AGAP1: variants seen among roughly 807,000 people sequenced by gnomAD.
AGAP1 encodes ArfGAP with GTPase domain, ankyrin repeat and PH domain 1.
A neutral mutation model predicts 105.3 loss-of-function variants in AGAP1; 29 were observed. The observed-to-expected ratio is 0.28, with a 90% CI of 0.21 to 0.38. The LOEUF is 0.38. Among genes scored for constraint, AGAP1 ranks in the 10% least tolerant of loss-of-function variants. AGAP1 has a pLI of 1.00. For missense variants in AGAP1, 998 were observed against 1,165.1 expected (o/e 0.86, Z 2.09); for synonymous variants, 509 against 485.9 (o/e 1.05, Z -0.63).
At chr2:235,822,392 G>A (rs1958838833) in intron 9 of AGAP1, among the ~76,000 whole-genome samples, 1 of 152,178 alleles carries the variant, frequency 6.6e-6, no homozygotes, top group South Asian at 2.1e-4. Context: ...GCCCAGGAGC[G>A]AGGAGGAGCT....
At chr2:235,894,636 C>CACACACAT (rs1485490059) in intron 10 of AGAP1, among the ~76,000 whole-genome samples, 14 of 151,428 alleles carry the variant, frequency 9.2e-5, no homozygotes, top group South Asian at 2.1e-4. Flanking sequence ...TGCACATGTA[C>CACACACAT]ACACACACAC....
rs1444763927 is a variant in AGAP1, at chr2:236,000,784, G to A, written c.1645+32161G>A. 1.3e-5 allele frequency among the ~76,000 whole-genome samples: 2 copies of A among 152,194 alleles called. No homozygotes were observed. The highest frequency in any genetic ancestry group is 1.9e-4 in the East Asian group (1 of 5,180). Reference sequence around the variant, plus strand: ...TGCAGTGAGGGCCACTAAGGGGGGCGGAGAAGACCCCTGACAGCAAGAAGG... The same window carrying A: ...TGCAGTGAGGGCCACTAAGGGGGGCAGAGAAGACCCCTGACAGCAAGAAGG... On this transcript the variant is annotated intron_variant, in intron 13 of 17. Coordinates refer to ENST00000304032, the MANE Select transcript of AGAP1 (RefSeq NM_001037131.3). This position sits in a 1 kb window ranked among gnomAD's most constrained non-coding sequence, Gnocchi z 4.3.
rs1941222132 is a variant in AGAP1, at chr2:235,494,587, C to G, written c.-100C>G. On this transcript the variant is annotated 5_prime_UTR_variant, in exon 1 of 18. Coordinates refer to ENST00000304032, the MANE Select transcript of AGAP1 (RefSeq NM_001037131.3). ...CCGCCCGCCGCCGGCGGGCCCGGCT[C>G]CCCGGGGGCTGCGGCGCCCCGGGCT... 1 of 357,664 alleles carries G rather than the reference C, an allele frequency of 2.8e-6. No homozygotes were observed. The highest frequency in any genetic ancestry group is 2.3e-5 in the African/African-American group (1 of 43,636). The allele number at this position is 357,664 out of a possible 1,614,324, so 22.2% of individuals were successfully genotyped here.
chr2:235,508,552 C>G (rs2149021237), intron 1 of AGAP1, among the ~76,000 whole-genome samples: 1 of 152,274 alleles, frequency 6.6e-6, no homozygotes, highest in African/African-American at 2.4e-5. Context: ...GGCTGGGATG[C>G]TGACTGACGG....
rs779477468 is a variant in AGAP1 at position 235,797,746 on chromosome 2, G to A, written c.674-13G>A. 1.2e-6 allele frequency: 2 copies of A among 1,613,902 alleles called. No individual in the cohort carries two copies. The highest frequency in any genetic ancestry group is 1.7e-6 in the Non-Finnish European group (2 of 1,179,940). Reference sequence around the variant, plus strand: ...GATTGACATGGATTTCTTTTTGTCTGTGTGTCCACCAGTTGCCCAGAAGAT... The same window carrying A: ...GATTGACATGGATTTCTTTTTGTCTATGTGTCCACCAGTTGCCCAGAAGAT... On this transcript the variant is annotated splice_polypyrimidine_tract_variant and intron_variant, in intron 6 of 17. Coordinates refer to ENST00000304032, the MANE Select transcript of AGAP1 (RefSeq NM_001037131.3).
Position 235,753,879 on chromosome 2 carries a change from G to T in AGAP1, c.673+3391G>T, listed in dbSNP as rs1206663025. 2.0e-5 allele frequency among the ~76,000 whole-genome samples: 3 copies of T among 151,952 alleles called. No individual in the cohort carries two copies. The highest frequency in any genetic ancestry group is 4.4e-5 in the Non-Finnish European group (3 of 68,006). On this transcript the variant is annotated intron_variant, in intron 6 of 17. Transcript: ENST00000304032. This position sits in a 1 kb window ranked among gnomAD's most constrained non-coding sequence, Gnocchi z 4.5. ...TTATATCATAGTTATATGGTATATG[G>T]TTTCTTATTTGTATATGTATTTTCA...
chr2:235,988,566 G>A lies in AGAP1; in HGVS notation c.1645+19943G>A, dbSNP rs759188810. Among the ~76,000 whole-genome samples the A allele has an allele frequency of 6.6e-6, 1 of 152,120 alleles. No individual in the cohort carries two copies. Among genetic ancestry groups the A allele is most frequent in the Non-Finnish European group, 1.5e-5 (1 of 68,020 alleles). Reference sequence around the variant, plus strand: ...GTAGGTACTTAGTCAAGGCATGCAGGCGTTTCTCCTTGTTTTAGTTCATCT... The same window carrying A: ...GTAGGTACTTAGTCAAGGCATGCAGACGTTTCTCCTTGTTTTAGTTCATCT... On this transcript the variant is annotated intron_variant, in intron 13 of 17. Transcript: ENST00000304032. The surrounding 1 kb of genome is among the most constrained non-coding windows in gnomAD (Gnocchi z 4.7).
At chr2:235,933,387 G>A (rs35139570) in intron 12 of AGAP1, among the ~76,000 whole-genome samples, 47,200 of 151,892 alleles carry the variant, frequency 0.31, 8,367 homozygotes, top group South Asian at 0.43. Flanking sequence ...AGTGTTGAGA[G>A]CCCAGCACTG....
Position 235,733,805 on chromosome 2 carries a change from G to GT in AGAP1, c.311-7157dup, listed in dbSNP as rs1473140104. The stretch of plus-strand genomic sequence containing the variant: ...GTCCTCACTCACTGCTGGTACCTTT[G>GT]TGTAGTAGTTACTTTGTATTTTACA... On this transcript the variant is annotated intron_variant, in intron 3 of 17. Transcript: ENST00000304032. The surrounding 1 kb of genome is among the most constrained non-coding windows in gnomAD (Gnocchi z 5.0). Among the ~76,000 whole-genome samples the GT allele has an allele frequency of 1.3e-5, 2 of 151,980 alleles. No homozygotes were observed. Among genetic ancestry groups the GT allele is most frequent in the African/African-American group, 4.8e-5 (2 of 41,348 alleles).
chr2:235,657,472 G>A (rs1035682567), intron 1 of AGAP1, among the ~76,000 whole-genome samples: 4 of 152,068 alleles, frequency 2.6e-5, no homozygotes, highest in African/African-American at 7.2e-5. Flanking sequence ...TCTGCCTCTC[G>A]GGTTCAGGCA....
At position 235,736,634 on chromosome 2, in the gene AGAP1, C is replaced by T. The variant is rs188365475; in HGVS notation, c.311-4329C>T. 6.1e-3 allele frequency among the ~76,000 whole-genome samples: 929 copies of T among 152,186 alleles called. 10 individuals are homozygous for T. Among genetic ancestry groups the T allele is most frequent in the South Asian group, 0.031 (148 of 4,822 alleles). ...CTTTGGGAGGCTGAGGCAGGTAGACCGCTTGAGCCCAGGAGTTCGAGACCA... is the reference window on the plus strand; with the variant it reads ...CTTTGGGAGGCTGAGGCAGGTAGACTGCTTGAGCCCAGGAGTTCGAGACCA... On this transcript the variant is annotated intron_variant, in intron 3 of 17. Transcript: ENST00000304032. The surrounding 1 kb of genome is among the most constrained non-coding windows in gnomAD (Gnocchi z 5.5).
At chr2:235,637,334 G>A (rs550015333) in intron 1 of AGAP1, among the ~76,000 whole-genome samples, 15 of 152,090 alleles carry the variant, frequency 9.9e-5, no homozygotes, top group African/African-American at 2.9e-4. Context: ...GTACAGTGGC[G>A]CGGTCATAGC....
intron 1 of AGAP1, among the ~76,000 whole-genome samples, chr2:235,643,051 A>T (rs1407589010): frequency 6.6e-6 from 1 of 152,102 alleles, no homozygotes; most frequent in Non-Finnish European, 1.5e-5. Context: ...GACTCCAGGG[A>T]CCAGCTCCTT....
At chr2:236,071,275 G>C (rs2058488475) in intron 16 of AGAP1, among the ~76,000 whole-genome samples, 1 of 152,204 alleles carries the variant, frequency 6.6e-6, no homozygotes, top group African/African-American at 2.4e-5. Context: ...GACCATAAAA[G>C]GGGTTTGTGA....
Position 235,569,971 on chromosome 2 carries a change from G to GC in AGAP1, c.163+75125dup, listed in dbSNP as rs1944464558. On this transcript the variant is annotated intron_variant, in intron 1 of 17. Transcript: ENST00000304032. The surrounding 1 kb of genome is among the most constrained non-coding windows in gnomAD (Gnocchi z 5.9). ...ATCTAAGGAAAACATGGTGTGACTG[G>GC]CCCGGGATCCAAATTATTTGCAGCG... Among the ~76,000 whole-genome samples, 1 of 152,298 alleles carries GC rather than the reference G, an allele frequency of 6.6e-6. No individual in the cohort carries two copies. Among genetic ancestry groups the GC allele is most frequent in the African/African-American group, 2.4e-5 (1 of 41,564 alleles).
chr2:236,079,259 C>G (rs1358622238), intron 16 of AGAP1, among the ~76,000 whole-genome samples: 2 of 145,600 alleles, frequency 1.4e-5, no homozygotes, highest in Non-Finnish European at 3.0e-5. Flanking sequence ...GTGGCTTACA[C>G]CTGTAATCCC....
Position 235,826,013 on chromosome 2 carries a change from GA to G in AGAP1, c.1050+18693del, listed in dbSNP as rs113141625. On this transcript the variant is annotated intron_variant, in intron 9 of 17. Coordinates refer to ENST00000304032, the MANE Select transcript of AGAP1 (RefSeq NM_001037131.3). ...CTATGTACTCAAAAAATTAAAAACA[GA>G]AAAAAAAAAATAGAAACCCTCTCAA... is the stretch of plus-strand genomic sequence containing the variant. Among the ~76,000 whole-genome samples the G allele has an allele frequency of 1.1e-3, 161 of 146,162 alleles. 1 individual carries two copies. The highest frequency in any genetic ancestry group is 4.0e-3 in the East Asian group (20 of 5,054).
chr2:236,105,834 T>C lies in AGAP1; in HGVS notation c.2115-14358T>C, dbSNP rs1057296140. Among the ~76,000 whole-genome samples the C allele has an allele frequency of 6.6e-6, 1 of 152,238 alleles. No individual in the cohort carries two copies. The highest frequency in any genetic ancestry group is 2.4e-5 in the African/African-American group (1 of 41,562). Reference sequence around the variant, plus strand: ...GGGTGGTCTCGATCTCCTGACCTCATGATCCACCCTCCTCGGCCTCCCAAA... The same window carrying C: ...GGGTGGTCTCGATCTCCTGACCTCACGATCCACCCTCCTCGGCCTCCCAAA... On this transcript the variant is annotated intron_variant, in intron 16 of 17. Coordinates refer to ENST00000304032, the MANE Select transcript of AGAP1 (RefSeq NM_001037131.3). This position sits in a 1 kb window ranked among gnomAD's most constrained non-coding sequence, Gnocchi z 4.2.
Position 235,750,379 on chromosome 2 carries a change from G to T in AGAP1, c.564G>T (p.Arg188Ser), listed in dbSNP as rs759075492. The stretch of plus-strand genomic sequence containing the variant: ...ATGCCATAAGTTCTGCTAACCCGAG[G>T]GTCATCGATGACGCCAGGGCGAGGA... ...TQDAISSANP[R>S]VIDDARARKL... The change falls in exon 6 of 18, where the codon AGG (arginine) becomes AGT (serine). Residue 188 changes from arginine to serine, a missense_variant. Physicochemically the swap from Arg to Ser is moderately radical, Grantham distance 110. Around this residue, in one of 3 missense-constraint regions of AGAP1, gnomAD observed 735 missense variants for 833.4 expected, o/e 0.88. Coordinates refer to ENST00000304032, the MANE Select transcript of AGAP1 (RefSeq NM_001037131.3). The surrounding 1 kb of genome is among the most constrained non-coding windows in gnomAD (Gnocchi z 5.3). 6.2e-7 allele frequency: 1 copy of T among 1,614,122 alleles called. No homozygotes were observed. Among genetic ancestry groups the T allele is most frequent in the Non-Finnish European group, 8.5e-7 (1 of 1,180,026 alleles).
Sources: gnomAD v4.1 joint callset for allele counts (sites outside exome capture counted in the v4.1 genomes callset) on GRCh38, gnomAD v4.1.1 for gene constraint, gnomAD v4.1.1 regional missense constraint, Gnocchi (gnomAD v3.1) non-coding constraint, MANE v1.5 for transcripts, NCBI Gene and HGNC (gene_info 2026-07-23, HGNC 2026-07-21) for gene names.